Variants in PDE2A observed in about 807,000 individuals in gnomAD.
PDE2A encodes cGMP-dependent 3',5'-cyclic phosphodiesterase.
Under a neutral mutation model 133.6 loss-of-function variants are expected in PDE2A, and 53 were observed. The ratio of observed to expected loss-of-function variants is 0.40; its 90% confidence interval spans 0.32 to 0.50. The LOEUF (loss-of-function observed/expected upper bound fraction) is 0.50, where lower values mean the gene tolerates loss of function less well. Among genes scored for constraint, PDE2A ranks in the 20% least tolerant of loss-of-function variants. The pLI is 0.73. For missense variants in PDE2A, 796 were observed against 1,232.4 expected, an observed-to-expected ratio of 0.65 and a Z score of 5.30; for synonymous variants, 491 against 490.2, an observed-to-expected ratio of 1.00 and a Z score of -0.02.
At chr11:72,655,676 T>C (rs1854878509) in intron 1 of PDE2A, among the ~76,000 whole-genome samples, 1 of 152,216 alleles carries the variant, frequency 6.6e-6, no homozygotes, top group Admixed American at 6.5e-5. Context: ...TGAGTTTCTG[T>C]ATCTCTACAG....
chr11:72,600,576 T>C (rs909358129), intron 4 of PDE2A, among the ~76,000 whole-genome samples: 1 of 152,124 alleles, frequency 6.6e-6, no homozygotes, highest in Non-Finnish European at 1.5e-5. Flanking sequence ...CGAGGGGGAA[T>C]GTGCCAAGGC....
intron 20 of PDE2A, among the ~76,000 whole-genome samples, chr11:72,583,089 A>G (rs1418905395): frequency 6.6e-6 from 1 of 152,216 alleles, no homozygotes; most frequent in Non-Finnish European, 1.5e-5. Context: ...CCAGGGCTGC[A>G]TGGGCATTGT....
chr11:72,614,509 T>C (rs1426766223), intron 2 of PDE2A, among the ~76,000 whole-genome samples: 2 of 152,156 alleles, frequency 1.3e-5, no homozygotes, highest in South Asian at 2.1e-4. Flanking sequence ...CCAATTTTCA[T>C]GTGCACCAGA....
rs1313347215 is a variant in PDE2A, at chr11:72,578,662, G to T, written c.2470-148C>A. On this transcript the variant is annotated intron_variant, in intron 28 of 30. Transcript: ENST00000334456. The surrounding 1 kb of genome is among the most constrained non-coding windows in gnomAD (Gnocchi z 4.2). ...CCCCACCAGCCCCAGCTTGGCAGTG[G>T]GATGGCCTGAGGCAGGGAGTGGCTG... 1.3e-6 allele frequency: 1 copy of T among 767,986 alleles called. No homozygotes were observed. The highest frequency in any genetic ancestry group is 2.2e-5 in the Admixed American group (1 of 46,408). The allele number at this position is 767,986 out of a possible 1,614,324, so 47.6% of individuals were successfully genotyped here.
intron 2 of PDE2A, 64 bp from the exon 3 acceptor site, chr11:72,608,815 A>C: frequency 1.1e-6 from 1 of 885,208 alleles, no homozygotes; most frequent in South Asian, 1.4e-5. Flanking sequence ...CCATCTGCCC[A>C]AAGGACTGTG....
chr11:72,621,553 T>C (rs112371182), intron 2 of PDE2A, among the ~76,000 whole-genome samples: 19 of 152,332 alleles, frequency 1.2e-4, no homozygotes, highest in African/African-American at 4.6e-4. Flanking sequence ...AGCGTCCCAC[T>C]GTCCCATGTC....
intron 4 of PDE2A, among the ~76,000 whole-genome samples, 199 bp downstream of exon 4, chr11:72,604,939 C>T (rs1301458919): frequency 1.3e-5 from 2 of 152,214 alleles, no homozygotes; most frequent in Non-Finnish European, 2.9e-5. Context: ...TGTGCCTATC[C>T]ATTTCCCCAA....
intron 2 of PDE2A, among the ~76,000 whole-genome samples, chr11:72,632,039 G>A (rs560573120): frequency 4.3e-4 from 65 of 152,360 alleles, no homozygotes; most frequent in Non-Finnish European, 5.0e-4. Flanking sequence ...GGACTGGGAG[G>A]GGGAGGGGGA....
At chr11:72,615,843 C>T (rs56063168) in intron 2 of PDE2A, among the ~76,000 whole-genome samples, 7,846 of 152,232 alleles carry the variant, frequency 0.052, 353 homozygotes, top group African/African-American at 0.12. Context: ...GAATCAGAGT[C>T]GCGCCACAAA....
At chr11:72,672,063 A>T (rs988938299) in intron 1 of PDE2A, among the ~76,000 whole-genome samples, 6 of 152,060 alleles carry the variant, frequency 3.9e-5, no homozygotes, top group African/African-American at 1.5e-4. Context: ...TCCAGAACTC[A>T]CTGACCCCTG....
chr11:72,590,596 C>T lies in PDE2A; in HGVS notation c.550-16G>A. ...CGACCAGGGTCTGGGGCAGGCCGAG[C>T]GGTTAGCGCGCCGCTCGCCCCAAGC... On this transcript the variant is annotated splice_polypyrimidine_tract_variant and intron_variant, in intron 7 of 30. Transcript: ENST00000334456. This position sits in a 1 kb window ranked among gnomAD's most constrained non-coding sequence, Gnocchi z 4.8. The T allele has an allele frequency of 3.0e-6, 4 of 1,355,170 alleles. No homozygotes were observed. The highest frequency in any genetic ancestry group is 3.6e-5 in the South Asian group (2 of 54,834). The allele number at this position is 1,355,170 out of a possible 1,614,324, so 83.9% of individuals were successfully genotyped here.
chr11:72,661,424 T>C (rs944286650), intron 1 of PDE2A, among the ~76,000 whole-genome samples: 3 of 152,114 alleles, frequency 2.0e-5, no homozygotes, highest in African/African-American at 7.2e-5. Context: ...TTGGGGGGGT[T>C]TTTTGGCCCT....
intron 1 of PDE2A, chr11:72,658,288 C>G: frequency 2.7e-6 from 1 of 372,358 alleles, no homozygotes; most frequent in South Asian, 2.0e-5. Context: ...ATGGAGGAAA[C>G]AAGGGCAGAT....
chr11:72,583,648 G>T, intron 19 of PDE2A, 133 bp from the exon 20 acceptor site: 1 of 683,836 alleles, frequency 1.5e-6, no homozygotes, highest in South Asian at 1.7e-5. Flanking sequence ...AAACCTTCAA[G>T]CTCCAGTCCA....
intron 11 of PDE2A, 60 bp downstream of exon 11, chr11:72,589,691 T>G: frequency 7.0e-7 from 1 of 1,422,544 alleles, no homozygotes; most frequent in Non-Finnish European, 9.9e-7. Context: ...ATCCCAGGAG[T>G]GTCTACCCGG....
At chr11:72,655,873 T>C (rs555571222) in intron 1 of PDE2A, among the ~76,000 whole-genome samples, 1 of 152,318 alleles carries the variant, frequency 6.6e-6, no homozygotes, top group East Asian at 1.9e-4. Flanking sequence ...GGCTATTCCC[T>C]AACCCTCGGG....
intron 4 of PDE2A, among the ~76,000 whole-genome samples, chr11:72,598,278 G>A (rs1190959768): frequency 6.6e-6 from 1 of 152,204 alleles, no homozygotes; most frequent in Non-Finnish European, 1.5e-5. Context: ...ACCCAGGTAG[G>A]TGGCACCAGG....
chr11:72,594,123 G>T (rs1295601021), intron 6 of PDE2A, among the ~76,000 whole-genome samples: 1 of 152,200 alleles, frequency 6.6e-6, no homozygotes, highest in Non-Finnish European at 1.5e-5. Context: ...TGTGTTCCCA[G>T]CACCTAGCAC....
chr11:72,639,509 C>T (rs1466188060), intron 2 of PDE2A, among the ~76,000 whole-genome samples: 4 of 152,158 alleles, frequency 2.6e-5, no homozygotes, highest in African/African-American at 4.8e-5. Context: ...CACCAACAGG[C>T]GCCACCAAAG....
Sources: gnomAD v4.1 joint callset for allele counts (sites outside exome capture counted in the v4.1 genomes callset) on GRCh38, gnomAD v4.1.1 for gene constraint, Gnocchi (gnomAD v3.1) non-coding constraint, MANE v1.5 for transcripts, NCBI Gene and HGNC (gene_info 2026-07-23, HGNC 2026-07-21) for gene names.